PPM1H: variants seen among roughly 807,000 people sequenced by gnomAD.
PPM1H encodes the protein protein phosphatase 1H.
PPM1H carries 27 observed loss-of-function variants against 54.9 expected under a neutral mutation model. The ratio of observed to expected loss-of-function variants is 0.49; its 90% CI spans 0.36 to 0.68. The LOEUF is 0.68. PPM1H is among the 30% of genes least tolerant of loss of function. PPM1H has a pLI of 0.00. For missense variants in PPM1H, 596 were observed against 667.8 expected, an observed-to-expected ratio of 0.89 and a Z score of 1.19; for synonymous variants, 305 against 270.8, an observed-to-expected ratio of 1.13 and a Z score of -1.24.
intron 3 of PPM1H, among the ~76,000 whole-genome samples, chr12:62,796,165 C>A (rs1447505479): frequency 6.6e-6 from 1 of 152,188 alleles, no homozygotes; most frequent in Admixed American, 6.5e-5. Flanking sequence ...CTGTTCTCAT[C>A]CCACAACAAC....
At chr12:62,694,849 T>C (rs551254378) in intron 6 of PPM1H, among the ~76,000 whole-genome samples, 1 of 152,336 alleles carries the variant, frequency 6.6e-6, no homozygotes, top group Non-Finnish European at 1.5e-5. Flanking sequence ...AGAGCCCACT[T>C]AGTGGCAGTT....
chr12:62,697,121 A>C (rs1178548242), intron 6 of PPM1H, among the ~76,000 whole-genome samples: 1 of 144,380 alleles, frequency 6.9e-6, no homozygotes, highest in Non-Finnish European at 1.5e-5. Context: ...AGCAGAAGTG[A>C]TGGTCTGTGT....
intron 2 of PPM1H, among the ~76,000 whole-genome samples, chr12:62,811,444 T>A (rs2076834737): frequency 6.6e-6 from 1 of 152,312 alleles, no homozygotes; most frequent in Admixed American, 6.5e-5. Context: ...CCAAATGGTG[T>A]ACTCATCTCG....
chr12:62,839,026 A>G (rs12299229), intron 1 of PPM1H, among the ~76,000 whole-genome samples: 2,673 of 151,492 alleles, frequency 0.018, 79 homozygotes, highest in African/African-American at 0.062. Context: ...CAGCCTGTTC[A>G]CAATCCATGA....
intron 9 of PPM1H, among the ~76,000 whole-genome samples, chr12:62,652,086 G>A (rs1332932112): frequency 2.6e-5 from 4 of 152,126 alleles, no homozygotes; most frequent in Admixed American, 2.6e-4. Flanking sequence ...AACATCCCCA[G>A]CTATCATCCT....
chr12:62,743,301 C>T lies in PPM1H; in HGVS notation c.870-5715G>A, dbSNP rs141181157. Among the ~76,000 whole-genome samples the T allele has an allele frequency of 3.6e-3, 550 of 152,090 alleles. 4 individuals carry two copies. Among genetic ancestry groups the T allele is most frequent in the African/African-American group, 0.012 (503 of 41,448 alleles). ...CTGGGAAGGGGAGGTTGCAGTGAGC[C>T]GAAACTGCACCACTGCACGCCAGCC... is the stretch of plus-strand genomic sequence containing the variant. On this transcript the variant is annotated intron_variant, in intron 4 of 9. Transcript: ENST00000228705.
chr12:62,905,816 C>G (rs781117072), intron 1 of PPM1H, among the ~76,000 whole-genome samples: 1 of 152,044 alleles, frequency 6.6e-6, no homozygotes, highest in Non-Finnish European at 1.5e-5. Context: ...AGATAATACC[C>G]CTTCCATGTC....
chr12:62,754,825 A>G (rs1592581327), intron 4 of PPM1H, among the ~76,000 whole-genome samples: 1 of 152,226 alleles, frequency 6.6e-6, no homozygotes, highest in East Asian at 1.9e-4. Context: ...AAAAATAAAC[A>G]AATTAAAAAC....
intron 1 of PPM1H, among the ~76,000 whole-genome samples, chr12:62,857,106 G>C (rs543796666): frequency 1.0e-3 from 157 of 152,256 alleles, no homozygotes; most frequent in Non-Finnish European, 1.6e-3. Context: ...TTCACCTTCA[G>C]TGAAGACCAG....
intron 1 of PPM1H, among the ~76,000 whole-genome samples, chr12:62,866,385 C>T (rs1166692577): frequency 1.3e-5 from 2 of 152,210 alleles, no homozygotes; most frequent in Non-Finnish European, 2.9e-5. Flanking sequence ...GCCTAATTCC[C>T]TCCCTCCTAA....
intron 1 of PPM1H, among the ~76,000 whole-genome samples, chr12:62,893,891 AT>A (rs2121091028): frequency 6.6e-6 from 1 of 152,314 alleles, no homozygotes; most frequent in African/African-American, 2.4e-5. Flanking sequence ...GGGGGACACA[AT>A]TCAGCCTTTA....
In PPM1H at chr12:62,817,330, C is replaced by T. The variant is rs559800025; in HGVS notation, c.411+14784G>A. On this transcript the variant is annotated intron_variant, in intron 2 of 9. Transcript: ENST00000228705. Reference sequence around the variant, plus strand: ...ACAAAAAATTAGCCGGGCGTGGTGGCGGGCGCCTGTAGTCCCAGCTACCCA... The same window carrying T: ...ACAAAAAATTAGCCGGGCGTGGTGGTGGGCGCCTGTAGTCCCAGCTACCCA... Among the ~76,000 whole-genome samples, 640 of 151,186 alleles carry T rather than the reference C, an allele frequency of 4.2e-3. 6 individuals carry two copies. The highest frequency in any genetic ancestry group is 0.015 in the African/African-American group (610 of 41,316).
intron 1 of PPM1H, among the ~76,000 whole-genome samples, chr12:62,900,338 A>G (rs1182182241): frequency 6.6e-6 from 1 of 151,616 alleles, no homozygotes; most frequent in African/African-American, 2.4e-5. Flanking sequence ...TACAAAGGAC[A>G]TGAACCCTTG....
chr12:62,768,482 T>G (rs1238891448), intron 4 of PPM1H, among the ~76,000 whole-genome samples: 1 of 152,010 alleles, frequency 6.6e-6, no homozygotes, highest in East Asian at 1.9e-4. Flanking sequence ...AGTGAAACCC[T>G]GTCTCTACTA....
chr12:62,833,652 G>C (rs761134081), intron 1 of PPM1H, among the ~76,000 whole-genome samples: 6 of 152,162 alleles, frequency 3.9e-5, no homozygotes, highest in Non-Finnish European at 7.3e-5. Context: ...ATTGAGATTT[G>C]AGTGCCGCAA....
intron 4 of PPM1H, among the ~76,000 whole-genome samples, chr12:62,787,248 A>G (rs2076677703): frequency 6.6e-6 from 1 of 152,136 alleles, no homozygotes; most frequent in South Asian, 2.1e-4. Flanking sequence ...TCAGACCTCA[A>G]AAAGGGTGGA....
chr12:62,785,580 A>G (rs1411810401), intron 4 of PPM1H, among the ~76,000 whole-genome samples: 2 of 152,286 alleles, frequency 1.3e-5, no homozygotes, highest in Non-Finnish European at 2.9e-5. Flanking sequence ...AAGATACTTT[A>G]TAGTACAACT....
intron 1 of PPM1H, among the ~76,000 whole-genome samples, chr12:62,895,551 T>C (rs1285708240): frequency 6.6e-6 from 1 of 152,110 alleles, no homozygotes; most frequent in Admixed American, 6.6e-5. Flanking sequence ...CCCCACCAAG[T>C]CTCATATTGA....
chr12:62,655,900 CAGCAAAGCTCTGCTGAA>C (rs2075841750), intron 9 of PPM1H, among the ~76,000 whole-genome samples: 1 of 152,200 alleles, frequency 6.6e-6, no homozygotes, highest in African/African-American at 2.4e-5. Flanking sequence ...CAATATTTAT[CAGCAAAGCTCTGCTGAA>C]AGCAATGGCT....
Sources: allele counts gnomAD v4.1 joint callset (sites outside exome capture counted in the v4.1 genomes callset), GRCh38; gene constraint gnomAD v4.1.1; transcripts MANE v1.5; gene names NCBI Gene and HGNC (gene_info 2026-07-23, HGNC 2026-07-21).